Variants in AVEN observed in about 807,000 individuals in gnomAD.
The protein encoded by AVEN is apoptosis and caspase activation inhibitor, also known as cell death regulator Aven.
A neutral mutation model predicts 38.1 loss-of-function variants in AVEN; 41 were observed. That is an observed-to-expected ratio of 1.08 (90% confidence interval 0.84 to 1.40). AVEN has a LOEUF of 1.40. AVEN is among the 40% of genes most tolerant of loss of function. The pLI is 0.00. For missense variants in AVEN, 605 were observed against 438.8 expected, an observed-to-expected ratio of 1.38 and a Z score of -3.38; for synonymous variants, 206 against 171.8, an observed-to-expected ratio of 1.20 and a Z score of -1.56.
chr15:34,020,494 AGCAC>A (rs1160488138), intron 1 of AVEN, among the ~76,000 whole-genome samples: 1 of 152,126 alleles, frequency 6.6e-6, no homozygotes, highest in Non-Finnish European at 1.5e-5. Context: ...TAAGCCTCTA[AGCAC>A]CTATCCTTGT....
intron 2 of AVEN, among the ~76,000 whole-genome samples, chr15:33,997,488 C>T (rs1380626500): frequency 6.6e-6 from 1 of 152,112 alleles, no homozygotes; most frequent in African/African-American, 2.4e-5. Context: ...CCAGGCACAC[C>T]CGTATTTTTA....
chr15:33,856,223 T>C (rs1423140577), downstream of AVEN: 1 of 152,292 alleles, frequency 6.6e-6, no homozygotes, highest in African/African-American at 2.4e-5. Flanking sequence ...CCACCTGCTT[T>C]CTGTGAGGTC....
chr15:33,950,293 A>T lies in AVEN; in HGVS notation c.445+52739T>A, dbSNP rs77965263. Among the ~76,000 whole-genome samples, 6 of 152,306 alleles carry T rather than the reference A, an allele frequency of 3.9e-5. 1 individual carries two copies. The East Asian group carries it at 1.2e-3, about 29-fold the overall frequency. On this transcript the variant is annotated intron_variant, in intron 2 of 5. Transcript: ENST00000306730. ...TGGAGATCTAACAAACAGCATAGTG[A>T]CTATAATTAATATTACTCTCTTACA...
intron 5 of AVEN, among the ~76,000 whole-genome samples, chr15:34,045,683 C>T (rs950928442): frequency 1.3e-5 from 2 of 151,816 alleles, no homozygotes; most frequent in African/African-American, 4.8e-5. Flanking sequence ...AGGACAGGTT[C>T]AGGCATAAAG....
At chr15:34,026,324 G>C (rs1166761361) in intron 1 of AVEN, among the ~76,000 whole-genome samples, 2 of 152,050 alleles carry the variant, frequency 1.3e-5, no homozygotes, top group Non-Finnish European at 2.9e-5. Context: ...TTCCTACTAT[G>C]TGACAGCAAA....
At chr15:34,052,039 A>G (rs913421115) in intron 5 of AVEN, among the ~76,000 whole-genome samples, 1 of 152,110 alleles carries the variant, frequency 6.6e-6, no homozygotes, top group East Asian at 1.9e-4. Context: ...CAGAGATACA[A>G]CAAAAAAAAG....
At chr15:33,876,166 C>T (rs1249022202) in intron 2 of AVEN, among the ~76,000 whole-genome samples, 171 bp from the exon 3 acceptor site, 1 of 151,818 alleles carries the variant, frequency 6.6e-6, no homozygotes, top group Admixed American at 6.5e-5. Context: ...TTACAAAACA[C>T]ACAGATGACA....
At position 33,970,228 on chromosome 15, in the gene AVEN, T is replaced by C. The variant is rs192370008; in HGVS notation, c.445+32804A>G. Among the ~76,000 whole-genome samples the C allele has an allele frequency of 4.6e-5, 7 of 152,054 alleles. 1 individual carries two copies. In the East Asian group the frequency reaches 1.4e-3, roughly 29 times the overall value. ...AGAAATTCTCTTCCATTTCACTGAA[T>C]TCTTTCCTTTTTTCAAATTTTAGTT... On this transcript the variant is annotated intron_variant, in intron 2 of 5. Transcript: ENST00000306730.
downstream of AVEN, chr15:33,857,730 A>G (rs371686194): frequency 2.7e-5 from 43 of 1,608,862 alleles, no homozygotes; most frequent in Non-Finnish European, 3.3e-5. Flanking sequence ...GAACCTTTCA[A>G]GGTAGAGAAG....
intron 1 of AVEN, among the ~76,000 whole-genome samples, chr15:34,017,245 C>A (rs1203425458): frequency 1.3e-5 from 2 of 152,134 alleles, no homozygotes; most frequent in Non-Finnish European, 2.9e-5. Context: ...AAGCCTAGAA[C>A]TGAGCTCTCA....
intron 2 of AVEN, among the ~76,000 whole-genome samples, chr15:33,878,527 A>G (rs1282181763): frequency 6.6e-6 from 1 of 152,186 alleles, no homozygotes; most frequent in East Asian, 1.9e-4. Context: ...AAGTGTTCAG[A>G]AAAAAAGGAA....
intron 2 of AVEN, among the ~76,000 whole-genome samples, chr15:33,900,492 G>A (rs1279901840): frequency 6.6e-6 from 1 of 151,918 alleles, no homozygotes; most frequent in East Asian, 1.9e-4. Context: ...AGTTTTTGTA[G>A]AGACATGGTT....
At chr15:33,861,002 C>T (rs184235909) in intron 11 of AVEN, 27 of 1,135,522 alleles carry the variant, frequency 2.4e-5, no homozygotes, top group Admixed American at 1.6e-4. Flanking sequence ...TCCTTCAATT[C>T]GATAGAATCA....
downstream of AVEN, among the ~76,000 whole-genome samples, chr15:33,858,433 C>T (rs2079947312): frequency 6.6e-6 from 1 of 151,912 alleles, no homozygotes; most frequent in South Asian, 2.1e-4. Context: ...TCTCAAACTC[C>T]CGACCTCAGG....
chr15:33,870,718 T>TA (rs1445354531), intron 4 of AVEN, among the ~76,000 whole-genome samples: 2 of 152,160 alleles, frequency 1.3e-5, no homozygotes, highest in African/African-American at 4.8e-5. Flanking sequence ...TTCCACTACA[T>TA]TTGATCCTTT....
At chr15:33,901,637 G>A (rs1293343084) in intron 2 of AVEN, among the ~76,000 whole-genome samples, 1 of 152,134 alleles carries the variant, frequency 6.6e-6, no homozygotes, top group African/African-American at 2.4e-5. Flanking sequence ...CACCAACAGT[G>A]TGCCAGGGTT....
chr15:34,008,956 A>G lies in AVEN; in HGVS notation c.268-5747T>C, dbSNP rs535884719. 7.0e-3 allele frequency among the ~76,000 whole-genome samples: 887 copies of G among 127,494 alleles called. 21 individuals are homozygous for G. The highest frequency in any genetic ancestry group is 0.048 in the Admixed American group (621 of 13,070). The allele number at this position is 127,494 out of a possible 152,430, so 83.6% of individuals were successfully genotyped here. On this transcript the variant is annotated intron_variant, in intron 1 of 5. Coordinates refer to ENST00000306730, the MANE Select transcript of AVEN (RefSeq NM_020371.3). Reference sequence around the variant, plus strand: ...CACACACTCACACGTGCGCGCGCGCACACACACACACACACACACAGACCA... The same window carrying G: ...CACACACTCACACGTGCGCGCGCGCGCACACACACACACACACACAGACCA...
At position 34,060,335 on chromosome 15, in the gene AVEN, T is replaced by C. The variant is rs150922520; in HGVS notation, n.1637+2587A>G. Among the ~76,000 whole-genome samples the C allele has an allele frequency of 5.3e-4, 81 of 152,280 alleles. 1 individual carries two copies. In the East Asian group the frequency reaches 0.015, roughly 29 times the overall value. On this transcript the variant is annotated intron_variant and non_coding_transcript_variant, in intron 5 of 11. Coordinates refer to the AVEN transcript ENST00000675287. ...GAAGAAGCATGCAAGATTGGGAAGATGGGAGAATCTGGTTTCCGGTGCAAG... is the reference window on the plus strand; with the variant it reads ...GAAGAAGCATGCAAGATTGGGAAGACGGGAGAATCTGGTTTCCGGTGCAAG...
intron 2 of AVEN, among the ~76,000 whole-genome samples, chr15:33,932,129 C>T (rs1893873739): frequency 6.6e-6 from 1 of 152,168 alleles, no homozygotes; most frequent in African/African-American, 2.4e-5. Context: ...TCAGAAACTA[C>T]AATCAAACTA....
Sources: gnomAD v4.1 joint callset for allele counts (sites outside exome capture counted in the v4.1 genomes callset) on GRCh38, gnomAD v4.1.1 for gene constraint, MANE v1.5 for transcripts, NCBI Gene and HGNC (gene_info 2026-07-23, HGNC 2026-07-21) for gene names.